Variants in STXBP5L observed in about 807,000 individuals in gnomAD.
STXBP5L encodes the protein syntaxin binding protein 5L.
In STXBP5L, 65 loss-of-function variants were observed where a neutral mutation model predicts 144.5. That is an observed-to-expected ratio of 0.45 (90% confidence interval 0.37 to 0.55). STXBP5L has a LOEUF of 0.55. Ranked by LOEUF, STXBP5L falls within the 20% of genes least tolerant of loss-of-function variation. The pLI is 0.00. For synonymous variants in STXBP5L, 505 were observed against 469.6 expected (o/e 1.08, Z -0.97); for missense variants, 1,298 against 1,405.5 (o/e 0.92, Z 1.22).
chr3:121,087,205 G>T (rs1048327052), intron 5 of STXBP5L, among the ~76,000 whole-genome samples: 14 of 152,060 alleles, frequency 9.2e-5, no homozygotes, highest in Non-Finnish European at 1.8e-4. Flanking sequence ...ATTCTATAGG[G>T]TTATGATTTT....
chr3:121,224,947 G>A (rs192101097), intron 11 of STXBP5L, among the ~76,000 whole-genome samples: 50 of 152,232 alleles, frequency 3.3e-4, no homozygotes, highest in African/African-American at 1.0e-3. Flanking sequence ...ATTTCTGCAC[G>A]TTGGTAGAGA....
In STXBP5L at chr3:120,908,240, C is replaced by T. The variant is rs1318101774; in HGVS notation, c.-103C>T. On this transcript the variant is annotated 5_prime_UTR_variant, in exon 1 of 27. Coordinates refer to ENST00000471454, the MANE Select transcript of STXBP5L (RefSeq NM_001308330.2). ...TTAGGACCTCGGAGAGCGCCAGGCG[C>T]CGCGACCAGAGGGCCCAGAGAAGCG... 6.6e-6 allele frequency: 1 copy of T among 152,228 alleles called. No individual in the cohort carries two copies. The highest frequency in any genetic ancestry group is 1.5e-5 in the Non-Finnish European group (1 of 68,080). The allele number at this position is 152,228 out of a possible 1,614,324, so 9.4% of individuals were successfully genotyped here.
chr3:121,253,083 C>T (rs1480127550), intron 15 of STXBP5L, among the ~76,000 whole-genome samples: 1 of 151,930 alleles, frequency 6.6e-6, no homozygotes, highest in African/African-American at 2.4e-5. Flanking sequence ...AATTAGGGAC[C>T]TTAATGATGT....
At chr3:121,416,491 AT>A (rs1222156741) in intron 25 of STXBP5L, among the ~76,000 whole-genome samples, 6 of 144,170 alleles carry the variant, frequency 4.2e-5, no homozygotes, top group South Asian at 2.2e-4. Context: ...TTATTTATTT[AT>A]TTATTTATTT....
intron 24 of STXBP5L, among the ~76,000 whole-genome samples, chr3:121,414,862 C>T (rs1469608748): frequency 1.3e-5 from 2 of 152,134 alleles, no homozygotes; most frequent in African/African-American, 4.8e-5. Flanking sequence ...AGTTGGTTTT[C>T]AGGAAGCATA....
At chr3:121,217,649 C>T (rs985258032) in intron 10 of STXBP5L, among the ~76,000 whole-genome samples, 36 of 152,010 alleles carry the variant, frequency 2.4e-4, no homozygotes, top group South Asian at 4.1e-4. Context: ...GCCCAGATTC[C>T]GCTTCACTTT....
chr3:121,133,334 A>T (rs1577034408), intron 7 of STXBP5L, among the ~76,000 whole-genome samples: 3 of 152,234 alleles, frequency 2.0e-5, no homozygotes, highest in South Asian at 4.1e-4. Flanking sequence ...ATATGTTATT[A>T]TCAGACTGTC....
At chr3:121,383,257 T>C (rs1318554513) in intron 22 of STXBP5L, among the ~76,000 whole-genome samples, 2 of 152,000 alleles carry the variant, frequency 1.3e-5, no homozygotes, top group East Asian at 3.9e-4. Context: ...GGCAGCATAA[T>C]GAGACCCCAT....
At chr3:121,352,397 A>G (rs986633241) in intron 20 of STXBP5L, among the ~76,000 whole-genome samples, 7 of 152,100 alleles carry the variant, frequency 4.6e-5, no homozygotes, top group Non-Finnish European at 8.8e-5. Context: ...GAGGTCCTTC[A>G]CATCCCTTGT....
chr3:120,974,476 C>T (rs955082936), intron 3 of STXBP5L, among the ~76,000 whole-genome samples: 1 of 148,724 alleles, frequency 6.7e-6, no homozygotes, highest in Non-Finnish European at 1.5e-5. Flanking sequence ...CAAAAATATT[C>T]TCCCATGCTC....
At position 120,978,876 on chromosome 3, in the gene STXBP5L, A is replaced by C. The variant is rs1288527713; in HGVS notation, c.287+23839A>C. On this transcript the variant is annotated intron_variant, in intron 3 of 26. Coordinates refer to ENST00000471454, the MANE Select transcript of STXBP5L (RefSeq NM_001308330.2). Reference sequence around the variant, plus strand: ...GAACAGCAGATTTTCGTGAACCGCGAATGCTGCTGTCTGATCGTTCCTCTG... The same window carrying C: ...GAACAGCAGATTTTCGTGAACCGCGCATGCTGCTGTCTGATCGTTCCTCTG... Among the ~76,000 whole-genome samples the C allele has an allele frequency of 3.3e-5, 5 of 152,170 alleles. No individual in the cohort carries two copies. In the East Asian group the frequency reaches 9.6e-4, roughly 29 times the overall value.
intron 23 of STXBP5L, 89 bp downstream of exon 23, chr3:121,407,692 A>G (rs752025391): frequency 5.4e-6 from 8 of 1,485,418 alleles, no homozygotes; most frequent in Non-Finnish European, 7.3e-6. Context: ...TGCAGATGTT[A>G]TCAAGAAGCA....
At chr3:121,228,586 A>G (rs1245509700) in intron 11 of STXBP5L, among the ~76,000 whole-genome samples, 1 of 152,196 alleles carries the variant, frequency 6.6e-6, no homozygotes, top group East Asian at 1.9e-4. Context: ...AAGCAATTGA[A>G]CCTTTGTTGG....
intron 2 of STXBP5L, among the ~76,000 whole-genome samples, chr3:120,914,767 A>G (rs1189956421): frequency 6.6e-6 from 1 of 152,172 alleles, no homozygotes; most frequent in Non-Finnish European, 1.5e-5. Flanking sequence ...ACCAAAAAGC[A>G]CAGTAGAGGC....
chr3:121,248,870 C>A (rs984542334), intron 14 of STXBP5L, among the ~76,000 whole-genome samples: 1 of 152,106 alleles, frequency 6.6e-6, no homozygotes. Context: ...ATATGGCTAG[C>A]CAGTTATCCC....
At chr3:120,911,940 A>G (rs1033125671) in intron 2 of STXBP5L, among the ~76,000 whole-genome samples, 41 of 152,012 alleles carry the variant, frequency 2.7e-4, no homozygotes, top group African/African-American at 9.2e-4. Context: ...TAAATGTGCA[A>G]AAAAATTTCT....
chr3:120,982,020 C>G (rs774450060), intron 3 of STXBP5L, among the ~76,000 whole-genome samples: 2 of 152,156 alleles, frequency 1.3e-5, no homozygotes, highest in Non-Finnish European at 2.9e-5. Context: ...TTTGAGCAGG[C>G]TAATTGCCTT....
intron 2 of STXBP5L, among the ~76,000 whole-genome samples, chr3:120,950,799 A>G (rs1172916269): frequency 6.6e-6 from 1 of 152,202 alleles, no homozygotes; most frequent in Non-Finnish European, 1.5e-5. Context: ...AATTGGAAAA[A>G]ACTACTTTAA....
At chr3:121,089,126 CAAGAGGAG>C in intron 5 of STXBP5L, among the ~76,000 whole-genome samples, 1 of 94,660 alleles carries the variant, frequency 1.1e-5, no homozygotes, top group African/African-American at 4.3e-5. Flanking sequence ...AAAGAAGCTC[CAAGAGGAG>C]AAGGAAAAAA....
Sources: allele counts gnomAD v4.1 joint callset (sites outside exome capture counted in the v4.1 genomes callset), GRCh38; gene constraint gnomAD v4.1.1; transcripts MANE v1.5; gene names NCBI Gene and HGNC (gene_info 2026-07-23, HGNC 2026-07-21).